Variants in CHCHD3 observed in about 807,000 individuals in gnomAD.
CHCHD3 encodes MICOS complex subunit MIC19.
CHCHD3 carries 20 observed loss-of-function variants against 38.2 expected under a neutral mutation model. The observed-to-expected ratio is 0.52, with a 90% CI of 0.37 to 0.76. The LOEUF (loss-of-function observed/expected upper bound fraction) is 0.76. Among genes scored for constraint, CHCHD3 ranks in the 30% least tolerant of loss-of-function variants. The pLI, the probability that CHCHD3 is intolerant of heterozygous loss-of-function variation, is 0.00. For synonymous variants in CHCHD3, 82 were observed against 100.0 expected (o/e 0.82, Z 1.07); for missense variants, 245 against 279.2 (o/e 0.88, Z 0.87).
intron 3 of CHCHD3, among the ~76,000 whole-genome samples, chr7:132,981,545 G>A (rs1318426675): frequency 6.6e-6 from 1 of 152,124 alleles, no homozygotes; most frequent in East Asian, 1.9e-4. Flanking sequence ...ACTACACTAA[G>A]TCAGAGTTTG....
chr7:132,923,584 G>A (rs1400402134), intron 4 of CHCHD3, among the ~76,000 whole-genome samples: 1 of 152,088 alleles, frequency 6.6e-6, no homozygotes, highest in Non-Finnish European at 1.5e-5. Context: ...ATAAACCTGA[G>A]AGTTTACATG....
At chr7:132,850,438 G>GTTTTTTTTTTTTTTTTT (rs55705092) in intron 5 of CHCHD3, among the ~76,000 whole-genome samples, 2 of 141,794 alleles carry the variant, frequency 1.4e-5, no homozygotes, top group Non-Finnish European at 3.0e-5. Flanking sequence ...AGAGTCTCAG[G>GTTTTTTTTTTTTTTTTT]TTTTTTTTTT....
Position 132,943,502 on chromosome 7 carries a change from A to C in CHCHD3, c.369+31667T>G, listed in dbSNP as rs182780641. 6.1e-3 allele frequency among the ~76,000 whole-genome samples: 924 copies of C among 152,256 alleles called. 15 individuals are homozygous for C. The highest frequency in any genetic ancestry group is 0.04 in the South Asian group (193 of 4,820). On this transcript the variant is annotated intron_variant, in intron 4 of 7. Transcript: ENST00000262570. ...TAAATTACTTATTCAAAAAGCTACT[A>C]CTGGCAAAACTGTTTAGAAAAAGCT...
intron 2 of CHCHD3, among the ~76,000 whole-genome samples, chr7:133,026,174 C>CAAAAAAATATTTG (rs1813331617): frequency 6.6e-6 from 1 of 152,116 alleles, no homozygotes; most frequent in African/African-American, 2.4e-5. Context: ...ATATAAAGAA[C>CAAAAAAATATTTG]TCTTACAGAC....
intron 3 of CHCHD3, among the ~76,000 whole-genome samples, chr7:132,990,824 G>T (rs1283558116): frequency 6.6e-6 from 1 of 151,896 alleles, no homozygotes; most frequent in Non-Finnish European, 1.5e-5. Flanking sequence ...TCTTCTTTTT[G>T]ATTTCAAAAG....
intron 4 of CHCHD3, among the ~76,000 whole-genome samples, chr7:132,949,631 T>C (rs1810990269): frequency 6.6e-6 from 1 of 152,132 alleles, no homozygotes; most frequent in South Asian, 2.1e-4. Flanking sequence ...GTAACACACC[T>C]AGCAAAGAAT....
chr7:132,985,719 C>T lies in CHCHD3; in HGVS notation c.252-10433G>A, dbSNP rs1261363831. The stretch of plus-strand genomic sequence containing the variant: ...CCCCCGCCCGGCCAGCCGCCCCATC[C>T]GGGAGGGAGGAGGGGAGGTCAGCCC... On this transcript the variant is annotated intron_variant, in intron 3 of 7. Coordinates refer to ENST00000262570, the MANE Select transcript of CHCHD3 (RefSeq NM_017812.4). Among the ~76,000 whole-genome samples the T allele has an allele frequency of 1.3e-4, 12 of 91,280 alleles. 4 individuals are homozygous for T. Among genetic ancestry groups the T allele is most frequent in the Admixed American group, 3.4e-4 (3 of 8,716 alleles). 59.9% of individuals were successfully genotyped at this position (91,280 alleles called of 152,430 possible). A position where few individuals can be genotyped will look rare whatever the true frequency, so the allele number is the denominator to read the frequency against.
intron 6 of CHCHD3, among the ~76,000 whole-genome samples, chr7:132,826,890 AGAG>A (rs1465436194): frequency 6.6e-6 from 1 of 152,232 alleles, no homozygotes; most frequent in Non-Finnish European, 1.5e-5. Context: ...CCTAGGTTGA[AGAG>A]GAGGAGAGTA....
intron 3 of CHCHD3, among the ~76,000 whole-genome samples, chr7:132,995,974 G>C (rs999513819): frequency 2.0e-5 from 3 of 151,978 alleles, no homozygotes; most frequent in African/African-American, 7.3e-5. Flanking sequence ...GTAGTTGTTA[G>C]TCCCCATTCA....
chr7:132,846,159 C>G (rs955957381), intron 5 of CHCHD3, among the ~76,000 whole-genome samples: 2 of 152,178 alleles, frequency 1.3e-5, no homozygotes, highest in Non-Finnish European at 2.9e-5. Flanking sequence ...TTTACTTCCC[C>G]ATCCCTTCAG....
intron 4 of CHCHD3, among the ~76,000 whole-genome samples, chr7:132,933,116 G>T (rs1427786748): frequency 6.6e-6 from 1 of 152,156 alleles, no homozygotes; most frequent in Non-Finnish European, 1.5e-5. Flanking sequence ...TGAGTTAGAT[G>T]AAAACAACAG....
intron 4 of CHCHD3, among the ~76,000 whole-genome samples, chr7:132,944,662 C>G (rs1306384270): frequency 6.6e-6 from 1 of 151,560 alleles, no homozygotes; most frequent in Non-Finnish European, 1.5e-5. Flanking sequence ...GAAATTTGTA[C>G]CTCCTCCATC....
intron 3 of CHCHD3, among the ~76,000 whole-genome samples, chr7:133,011,418 C>T (rs1812869776): frequency 1.3e-5 from 2 of 152,200 alleles, no homozygotes; most frequent in Admixed American, 6.5e-5. Context: ...ATGGTAATGG[C>T]TTACACCAGG....
intron 4 of CHCHD3, among the ~76,000 whole-genome samples, chr7:132,886,392 T>C (rs1809211199): frequency 6.6e-6 from 1 of 151,940 alleles, no homozygotes; most frequent in Non-Finnish European, 1.5e-5. Context: ...AAGTATAATA[T>C]TTTTGGTTCT....
At chr7:132,903,330 A>G (rs1428674055) in intron 4 of CHCHD3, among the ~76,000 whole-genome samples, 4 of 144,708 alleles carry the variant, frequency 2.8e-5, no homozygotes, top group Non-Finnish European at 6.2e-5. Context: ...TAGTTGTTAT[A>G]TTGGGGTTTT....
intron 6 of CHCHD3, among the ~76,000 whole-genome samples, chr7:132,829,639 G>C (rs1563248232): frequency 6.6e-6 from 1 of 152,192 alleles, no homozygotes; most frequent in Non-Finnish European, 1.5e-5. Context: ...CAAGAACAGA[G>C]AAGAATGCTC....
intron 5 of CHCHD3, among the ~76,000 whole-genome samples, chr7:132,842,729 T>C (rs972277381): frequency 2.0e-5 from 3 of 152,166 alleles, no homozygotes; most frequent in African/African-American, 7.2e-5. Context: ...GTTTATGCAC[T>C]ACTGGGAAGA....
intron 4 of CHCHD3, among the ~76,000 whole-genome samples, chr7:132,930,254 C>T (rs1810484113): frequency 1.3e-5 from 2 of 151,492 alleles, no homozygotes; most frequent in South Asian, 4.2e-4. Flanking sequence ...GCAACCTCCA[C>T]CTCCCTGGTT....
chr7:132,809,472 A>C (rs1807011854), intron 6 of CHCHD3, among the ~76,000 whole-genome samples: 1 of 152,146 alleles, frequency 6.6e-6, no homozygotes, highest in African/African-American at 2.4e-5. Flanking sequence ...ATAGCCTGCA[A>C]AATGCCAATC....
Sources: gnomAD v4.1 joint callset for allele counts (sites outside exome capture counted in the v4.1 genomes callset) on GRCh38, gnomAD v4.1.1 for gene constraint, MANE v1.5 for transcripts, NCBI Gene and HGNC (gene_info 2026-07-23, HGNC 2026-07-21) for gene names.